The following GRIK3 variants were observed in gnomAD, a reference collection of about 807,000 sequenced individuals.
GRIK3 encodes glutamate ionotropic receptor kainate type subunit 3.
In GRIK3, 29 loss-of-function variants were observed where a neutral mutation model predicts 102.5. That is an observed-to-expected ratio of 0.28 (90% CI 0.21 to 0.39). GRIK3 has a LOEUF of 0.39. Among genes scored for constraint, GRIK3 ranks in the 10% least tolerant of loss-of-function variants. The probability of loss-of-function intolerance (pLI) is 1.00; values close to 1 mark genes in which losing one functional copy is unlikely to be tolerated. For missense variants in GRIK3, 908 were observed against 1,252.4 expected, an observed-to-expected ratio of 0.73 and a Z score of 4.15; for synonymous variants, 511 against 504.9, an observed-to-expected ratio of 1.01 and a Z score of -0.16.
Position 36,872,422 on chromosome 1 carries a change from T to G in GRIK3, c.551-53A>C, listed in dbSNP as rs926303710. 3.6e-6 allele frequency: 5 copies of G among 1,391,192 alleles called. No homozygotes were observed. In the African/African-American group the frequency reaches 7.2e-5, roughly 20 times the overall value. 86.2% of individuals were successfully genotyped at this position (1,391,192 alleles called of 1,614,324 possible). Reference sequence around the variant, plus strand: ...CACGTGTACCACATGTATCCACAGCTCCAGGCATCCACTTGGACTTGTGTG... The same window carrying G: ...CACGTGTACCACATGTATCCACAGCGCCAGGCATCCACTTGGACTTGTGTG... On this transcript the variant is annotated intron_variant, in intron 3 of 15. Transcript: ENST00000373091. The surrounding 1 kb of genome is among the most constrained non-coding windows in gnomAD (Gnocchi z 5.9).
chr1:37,004,960 A>C (rs568139877), intron 1 of GRIK3, among the ~76,000 whole-genome samples: 5 of 152,340 alleles, frequency 3.3e-5, no homozygotes, highest in South Asian at 4.1e-4. Context: ...TGGAGCCCTA[A>C]CTAGGCCCCT....
chr1:36,803,750 T>G (rs897397011), intron 15 of GRIK3, among the ~76,000 whole-genome samples: 1 of 152,186 alleles, frequency 6.6e-6, no homozygotes, highest in South Asian at 2.1e-4. Context: ...TTAACTGTAA[T>G]GGGAATTCTC....
intron 5 of GRIK3, among the ~76,000 whole-genome samples, chr1:36,864,980 C>T (rs1029840040): frequency 2.0e-5 from 3 of 152,038 alleles, no homozygotes; most frequent in Non-Finnish European, 4.4e-5. Flanking sequence ...TCAGTATCGA[C>T]GAGGGACCTT....
intron 1 of GRIK3, among the ~76,000 whole-genome samples, chr1:36,933,199 A>G (rs1462971067): frequency 2.0e-5 from 3 of 152,176 alleles, no homozygotes; most frequent in Non-Finnish European, 4.4e-5. Context: ...GACTACGCCC[A>G]GCAGCTTCAG....
At chr1:36,917,651 C>A (rs907982636) in intron 1 of GRIK3, among the ~76,000 whole-genome samples, 2 of 152,192 alleles carry the variant, frequency 1.3e-5, no homozygotes, top group African/African-American at 2.4e-5. Flanking sequence ...GTGAGATGTG[C>A]CTTTCAACTT....
intron 1 of GRIK3, among the ~76,000 whole-genome samples, chr1:37,015,416 T>C (rs547779309): frequency 6.6e-6 from 1 of 152,326 alleles, no homozygotes; most frequent in African/African-American, 2.4e-5. Flanking sequence ...CAAATTAATC[T>C]GAAGCTTCCC....
At chr1:36,957,869 C>T (rs140723586) in intron 1 of GRIK3, among the ~76,000 whole-genome samples, 17,759 of 67,112 alleles carry the variant, frequency 0.26, 3,233 homozygotes, top group African/African-American at 0.4. Flanking sequence ...CTGTGTGCCC[C>T]GTGACTCTGT....
chr1:36,984,073 C>T (rs182579835), intron 1 of GRIK3, among the ~76,000 whole-genome samples: 262 of 151,994 alleles, frequency 1.7e-3, no homozygotes, highest in Non-Finnish European at 2.8e-3. Flanking sequence ...TCCACACTCG[C>T]ACACACAGGC....
intron 7 of GRIK3, among the ~76,000 whole-genome samples, chr1:36,857,346 G>A (rs1361973545): frequency 6.6e-6 from 1 of 152,154 alleles, no homozygotes; most frequent in Non-Finnish European, 1.5e-5. Context: ...GAGAGCAAGC[G>A]GATGATTGCC....
At chr1:36,853,487 G>T in intron 8 of GRIK3, 128 bp downstream of exon 8, 1 of 650,908 alleles carries the variant, frequency 1.5e-6, no homozygotes, top group Non-Finnish European at 2.7e-6. Context: ...ACTGGACCAA[G>T]TCAATCCCTG....
intron 1 of GRIK3, among the ~76,000 whole-genome samples, chr1:36,975,137 T>C (rs1338236479): frequency 6.6e-6 from 1 of 152,190 alleles, no homozygotes; most frequent in East Asian, 1.9e-4. Flanking sequence ...TAAAAACTGT[T>C]AAAATGGTAA....
intron 1 of GRIK3, among the ~76,000 whole-genome samples, chr1:36,900,900 A>G (rs1024107860): frequency 2.0e-5 from 3 of 152,196 alleles, no homozygotes; most frequent in African/African-American, 4.8e-5. Flanking sequence ...GACATTAAAA[A>G]GATTATCGAG....
At chr1:36,916,971 A>G (rs979133293) in intron 1 of GRIK3, among the ~76,000 whole-genome samples, 6 of 152,220 alleles carry the variant, frequency 3.9e-5, no homozygotes, top group African/African-American at 1.4e-4. Context: ...GTGCATCTGG[A>G]AAAACCACAG....
intron 1 of GRIK3, among the ~76,000 whole-genome samples, chr1:37,015,904 C>T (rs1041715992): frequency 6.6e-6 from 1 of 152,262 alleles, no homozygotes; most frequent in Non-Finnish European, 1.5e-5. Context: ...TGTTAAAATG[C>T]TCCTGCCAAG....
intron 1 of GRIK3, among the ~76,000 whole-genome samples, chr1:36,955,487 C>T (rs906669173): frequency 6.6e-6 from 1 of 152,216 alleles, no homozygotes; most frequent in Non-Finnish European, 1.5e-5. Flanking sequence ...CCCCGCACAT[C>T]ACTCAAACCC....
intron 2 of GRIK3, among the ~76,000 whole-genome samples, chr1:36,889,975 T>C (rs1245298067): frequency 6.6e-6 from 1 of 152,054 alleles, no homozygotes; most frequent in Non-Finnish European, 1.5e-5. Context: ...TAGCATAGAC[T>C]CTCAGCAGGG....
chr1:36,993,929 T>A (rs1483446535), intron 1 of GRIK3, among the ~76,000 whole-genome samples: 1 of 152,180 alleles, frequency 6.6e-6, no homozygotes, highest in African/African-American at 2.4e-5. Context: ...TGCAGCTCAA[T>A]CTAAGCCTAA....
chr1:36,807,390 T>C (rs1642513297), intron 13 of GRIK3, among the ~76,000 whole-genome samples: 3 of 152,144 alleles, frequency 2.0e-5, no homozygotes, highest in South Asian at 4.1e-4. Context: ...TCCTGGCTGA[T>C]CTCAGGGGAA....
chr1:36,903,666 G>A (rs972229061), intron 1 of GRIK3, among the ~76,000 whole-genome samples: 2 of 152,172 alleles, frequency 1.3e-5, no homozygotes, highest in East Asian at 1.9e-4. Context: ...GCCATGAAAA[G>A]ATAAGGATAA....
Sources: gnomAD v4.1 joint callset for allele counts (sites outside exome capture counted in the v4.1 genomes callset) on GRCh38, gnomAD v4.1.1 for gene constraint, Gnocchi (gnomAD v3.1) non-coding constraint, MANE v1.5 for transcripts, NCBI Gene and HGNC (gene_info 2026-07-23, HGNC 2026-07-21) for gene names.